The following DDR2 variants were observed in gnomAD, a reference collection of about 807,000 sequenced individuals.
DDR2 encodes discoidin domain-containing receptor 2.
DDR2 carries 27 observed loss-of-function variants against 94.9 expected under a neutral mutation model. That is an observed-to-expected ratio of 0.28 (90% CI 0.21 to 0.39). The LOEUF (loss-of-function observed/expected upper bound fraction) is 0.39. Among genes scored for constraint, DDR2 ranks in the 10% least tolerant of loss-of-function variants. DDR2 has a pLI of 1.00. For synonymous variants in DDR2, 382 were observed against 377.2 expected, an observed-to-expected ratio of 1.01 and a Z score of -0.15; for missense variants, 783 against 1,076.0, an observed-to-expected ratio of 0.73 and a Z score of 3.81.
At chr1:162,687,653 T>G (rs1659748733) in intron 2 of DDR2, among the ~76,000 whole-genome samples, 1 of 152,122 alleles carries the variant, frequency 6.6e-6, no homozygotes, top group Non-Finnish European at 1.5e-5. Flanking sequence ...CTGACCTGTG[T>G]TCTTTTATGA....
chr1:162,749,351 A>T (rs1663058630), intron 3 of DDR2, among the ~76,000 whole-genome samples: 1 of 152,242 alleles, frequency 6.6e-6, no homozygotes, highest in Non-Finnish European at 1.5e-5. Flanking sequence ...AGAATTACAA[A>T]CTATCATCAG....
chr1:162,702,352 G>A (rs1446623879), intron 2 of DDR2, among the ~76,000 whole-genome samples: 1 of 152,066 alleles, frequency 6.6e-6, no homozygotes, highest in African/African-American at 2.4e-5. Context: ...TACTGACTAT[G>A]CAAGCAGCTT....
chr1:162,697,023 C>T (rs1415737210), intron 2 of DDR2, among the ~76,000 whole-genome samples: 1 of 152,046 alleles, frequency 6.6e-6, no homozygotes, highest in East Asian at 1.9e-4. Context: ...TTGCTGAATT[C>T]CCCATTCTCA....
At chr1:162,659,214 T>C (rs1044038629) in intron 2 of DDR2, among the ~76,000 whole-genome samples, 1 of 152,042 alleles carries the variant, frequency 6.6e-6, no homozygotes, top group African/African-American at 2.4e-5. Context: ...AGAATTACAC[T>C]CAAGGGAGGT....
chr1:162,774,373 T>C (rs560631627), intron 14 of DDR2, among the ~76,000 whole-genome samples: 1 of 152,324 alleles, frequency 6.6e-6, no homozygotes, highest in South Asian at 2.1e-4. Context: ...CTCACTGATA[T>C]TCATAGTGAA....
chr1:162,723,588 A>C (rs1661519280), intron 3 of DDR2, among the ~76,000 whole-genome samples: 1 of 152,158 alleles, frequency 6.6e-6, no homozygotes, highest in Non-Finnish European at 1.5e-5. Context: ...AGCAGTCTGA[A>C]GCCCTGGGAC....
chr1:162,746,888 C>CA (rs1227867049), intron 3 of DDR2, among the ~76,000 whole-genome samples: 14 of 152,292 alleles, frequency 9.2e-5, no homozygotes. Context: ...CTGGAGTGGA[C>CA]CTCCAGCAAA....
intron 2 of DDR2, among the ~76,000 whole-genome samples, chr1:162,669,667 G>A (rs2101934962): frequency 6.6e-6 from 1 of 152,298 alleles, no homozygotes; most frequent in African/African-American, 2.4e-5. Context: ...TAATATTTAT[G>A]AAGTGCTTAT....
chr1:162,643,966 G>A (rs1236611313), intron 1 of DDR2, among the ~76,000 whole-genome samples: 6 of 152,110 alleles, frequency 3.9e-5, no homozygotes, highest in African/African-American at 9.7e-5. Flanking sequence ...TTTGTTACCC[G>A]CAGACTGTAC....
chr1:162,644,454 A>C (rs1479389461), intron 1 of DDR2, among the ~76,000 whole-genome samples: 3 of 152,222 alleles, frequency 2.0e-5, no homozygotes, highest in Admixed American at 2.0e-4. Flanking sequence ...TATTATAGTT[A>C]CAAATGCATG....
In DDR2 at chr1:162,787,213, AC is replaced by A. The variant is rs1212853461; in HGVS notation, c.*6970del. The A allele has an allele frequency of 6.6e-6, 1 of 152,108 alleles. No individual in the cohort carries two copies. Among genetic ancestry groups the A allele is most frequent in the Admixed American group, 6.5e-5 (1 of 15,274 alleles). The allele number at this position is 152,108 out of a possible 1,614,324, so 9.4% of individuals were successfully genotyped here. On this transcript the variant is annotated 3_prime_UTR_variant, in exon 18 of 18. Coordinates refer to ENST00000367921, the MANE Select transcript of DDR2 (RefSeq NM_006182.4). ...GCAGGGATAGATGGGATCATTGTGTACCCTATTGTTCTTCTGATTTCCAGGA... is the reference window on the plus strand; with the variant it reads ...GCAGGGATAGATGGGATCATTGTGTACCTATTGTTCTTCTGATTTCCAGGA...
Position 162,689,841 on chromosome 1 carries a change from TTAAAAAAAA to T in DDR2, c.-27-29195_-27-29187del, listed in dbSNP as rs1452163909. On this transcript the variant is annotated intron_variant, in intron 2 of 17. Coordinates refer to ENST00000367921, the MANE Select transcript of DDR2 (RefSeq NM_006182.4). ...CAACATGGTGAAACCCCATCTCTAC[TTAAAAAAAA>T]AAAAAAAAAAAAAAAAATAGCCAGG... Among the ~76,000 whole-genome samples the T allele has an allele frequency of 1.1e-3, 16 of 14,698 alleles. 3 individuals are homozygous for T. The highest frequency in any genetic ancestry group is 2.2e-3 in the African/African-American group (14 of 6,476). The allele number at this position is 14,698 out of a possible 152,430, so 9.6% of individuals were successfully genotyped here.
At chr1:162,736,798 T>C (rs575957935) in intron 3 of DDR2, among the ~76,000 whole-genome samples, 8 of 152,214 alleles carry the variant, frequency 5.3e-5, no homozygotes, top group African/African-American at 1.9e-4. Flanking sequence ...TTCTCAACTC[T>C]ATGAAGATTC....
chr1:162,750,318 CA>C (rs1290991356), intron 3 of DDR2, among the ~76,000 whole-genome samples: 2 of 152,060 alleles, frequency 1.3e-5, no homozygotes, highest in Non-Finnish European at 2.9e-5. Context: ...AATCAATGTG[CA>C]AAAAATCACA....
At chr1:162,767,807 GGT>G (rs145645107) in intron 11 of DDR2, among the ~76,000 whole-genome samples, 1 of 149,458 alleles carries the variant, frequency 6.7e-6, no homozygotes, top group African/African-American at 2.5e-5. Context: ...TTGTCTGTTT[GGT>G]GTGTGTGTGT....
chr1:162,642,569 C>A lies in DDR2; in HGVS notation c.-192+9938C>A, dbSNP rs1387978411. On this transcript the variant is annotated intron_variant, in intron 1 of 17. Transcript: ENST00000367921. Reference sequence around the variant, plus strand: ...CCTCCCAAAATGCTGGGATTACAGGCGTGAGCCACCGTGCCTGGCCTGTTT... The same window carrying A: ...CCTCCCAAAATGCTGGGATTACAGGAGTGAGCCACCGTGCCTGGCCTGTTT... Among the ~76,000 whole-genome samples, 3 of 151,878 alleles carry A rather than the reference C, an allele frequency of 2.0e-5. No individual in the cohort carries two copies. In the East Asian group the frequency reaches 5.8e-4, roughly 29 times the overall value.
At chr1:162,746,119 T>G (rs1326412992) in intron 3 of DDR2, among the ~76,000 whole-genome samples, 1 of 152,164 alleles carries the variant, frequency 6.6e-6, no homozygotes, top group African/African-American at 2.4e-5. Flanking sequence ...TCACTGGGAC[T>G]TGTCGGAAAG....
In DDR2 at chr1:162,780,330, T is replaced by C; in HGVS notation, c.*84T>C. ...TCACCCATGCCTATGCCACTCCATC[T>C]GGACATTTAATGAAACTGAGAGACA... On this transcript the variant is annotated 3_prime_UTR_variant, in exon 18 of 18. Coordinates refer to ENST00000367921, the MANE Select transcript of DDR2 (RefSeq NM_006182.4). 2 of 1,592,470 alleles carry C rather than the reference T, an allele frequency of 1.3e-6. No individual in the cohort carries two copies. Among genetic ancestry groups the C allele is most frequent in the African/African-American group, 2.7e-5 (2 of 74,364 alleles).
intron 1 of DDR2, among the ~76,000 whole-genome samples, chr1:162,651,019 G>T (rs781067087): frequency 6.6e-6 from 1 of 151,970 alleles, no homozygotes; most frequent in East Asian, 1.9e-4. Flanking sequence ...ATGAACCACC[G>T]CACCCAGCCC....
Sources: gnomAD v4.1 joint callset for allele counts (sites outside exome capture counted in the v4.1 genomes callset) on GRCh38, gnomAD v4.1.1 for gene constraint, MANE v1.5 for transcripts, NCBI Gene and HGNC (gene_info 2026-07-23, HGNC 2026-07-21) for gene names.